Variants in TMEM132D observed in about 807,000 individuals in gnomAD.
The protein encoded by TMEM132D is mature OL transmembrane protein.
Under a neutral mutation model 62.3 loss-of-function variants are expected in TMEM132D, and 21 were observed. The ratio of observed to expected loss-of-function variants is 0.34; its 90% CI spans 0.24 to 0.49. The LOEUF (loss-of-function observed/expected upper bound fraction) is 0.49, where lower values mean the gene tolerates loss of function less well. TMEM132D is among the 20% of genes least tolerant of loss of function. TMEM132D has a pLI of 0.99. For synonymous variants in TMEM132D, 621 were observed against 575.6 expected (o/e 1.08, Z -1.13); for missense variants, 1,346 against 1,402.8 (o/e 0.96, Z 0.65).
intron 1 of TMEM132D, among the ~76,000 whole-genome samples, chr12:129,774,131 G>C (rs554083623): frequency 2.6e-5 from 4 of 152,314 alleles, no homozygotes; most frequent in South Asian, 2.1e-4. Flanking sequence ...GATGAGAATT[G>C]CAGGACAGGA....
intron 3 of TMEM132D, among the ~76,000 whole-genome samples, chr12:129,376,338 A>G (rs927147379): frequency 6.6e-6 from 1 of 152,204 alleles, no homozygotes; most frequent in African/African-American, 2.4e-5. Flanking sequence ...GGAAGCAAAC[A>G]CATCCTTTCT....
intron 2 of TMEM132D, among the ~76,000 whole-genome samples, chr12:129,673,472 G>T (rs1177620826): frequency 6.6e-6 from 1 of 152,050 alleles, no homozygotes; most frequent in African/African-American, 2.4e-5. Flanking sequence ...AATAACTGTT[G>T]TACATCAGCC....
intron 3 of TMEM132D, among the ~76,000 whole-genome samples, chr12:129,379,334 C>A (rs1237068203): frequency 1.3e-5 from 2 of 151,980 alleles, no homozygotes; most frequent in East Asian, 1.9e-4. Context: ...GAGACAGCAA[C>A]CACTAATGAA....
intron 1 of TMEM132D, among the ~76,000 whole-genome samples, chr12:129,823,019 C>T (rs929090098): frequency 6.6e-6 from 1 of 152,174 alleles, no homozygotes; most frequent in African/African-American, 2.4e-5. Context: ...TTAGTACCAT[C>T]CACTTAGAAC....
intron 1 of TMEM132D, among the ~76,000 whole-genome samples, chr12:129,826,879 TC>T (rs1340869795): frequency 6.6e-6 from 1 of 151,970 alleles, no homozygotes; most frequent in Non-Finnish European, 1.5e-5. Context: ...GGAAAAAAAA[TC>T]AAAACTCTGC....
chr12:129,153,852 C>T (rs931452451), intron 5 of TMEM132D, among the ~76,000 whole-genome samples: 5 of 152,060 alleles, frequency 3.3e-5, no homozygotes, highest in Admixed American at 1.3e-4. Flanking sequence ...GCTCTCATTT[C>T]GGCTGGGAAT....
At chr12:129,404,669 C>G (rs963043213) in intron 3 of TMEM132D, among the ~76,000 whole-genome samples, 6 of 152,002 alleles carry the variant, frequency 3.9e-5, no homozygotes, top group Non-Finnish European at 8.8e-5. Context: ...GGAGAGATGG[C>G]AGGGGGCAGG....
intron 1 of TMEM132D, among the ~76,000 whole-genome samples, chr12:129,701,963 T>C (rs969179868): frequency 6.6e-6 from 1 of 152,206 alleles, no homozygotes. Context: ...TGCTCCCGGC[T>C]TTGTGAGACG....
intron 2 of TMEM132D, among the ~76,000 whole-genome samples, chr12:129,650,508 C>A (rs1440462608): frequency 1.3e-5 from 2 of 152,186 alleles, no homozygotes; most frequent in Non-Finnish European, 2.9e-5. Context: ...GCAGCTGCAT[C>A]TTCAAATTTA....
At chr12:129,500,243 T>G (rs1875095358) in intron 3 of TMEM132D, among the ~76,000 whole-genome samples, 1 of 148,578 alleles carries the variant, frequency 6.7e-6, no homozygotes, top group Non-Finnish European at 1.5e-5. Context: ...TCACCTGACC[T>G]CATCTGTCCC....
chr12:129,671,133 A>G (rs1361255227), intron 2 of TMEM132D, among the ~76,000 whole-genome samples: 4 of 152,228 alleles, frequency 2.6e-5, no homozygotes, highest in African/African-American at 9.6e-5. Context: ...TATAAAAAAT[A>G]ATGTTTAATA....
intron 4 of TMEM132D, among the ~76,000 whole-genome samples, chr12:129,290,405 C>T (rs930161070): frequency 2.0e-5 from 3 of 152,114 alleles, no homozygotes; most frequent in African/African-American, 7.2e-5. Flanking sequence ...GCATAACCTA[C>T]ACTATTCTAA....
intron 5 of TMEM132D, among the ~76,000 whole-genome samples, chr12:129,207,787 A>G (rs889639949): frequency 6.6e-6 from 1 of 152,186 alleles, no homozygotes; most frequent in Non-Finnish European, 1.5e-5. Flanking sequence ...GTATTGATCC[A>G]TAATTAATGT....
chr12:129,391,468 G>T lies in TMEM132D; in HGVS notation c.1116-53651C>A, dbSNP rs76360277. 2.7e-3 allele frequency among the ~76,000 whole-genome samples: 414 copies of T among 152,232 alleles called. 3 individuals carry two copies. Among genetic ancestry groups the T allele is most frequent in the African/African-American group, 9.4e-3 (392 of 41,538 alleles). On this transcript the variant is annotated intron_variant, in intron 3 of 8. Coordinates refer to ENST00000422113, the MANE Select transcript of TMEM132D (RefSeq NM_133448.3). Reference sequence around the variant, plus strand: ...AAAGAAATGGCAATCTTCAGATTTAGGCCAGAGCAATGAGAGACAGAGAAC... The same window carrying T: ...AAAGAAATGGCAATCTTCAGATTTATGCCAGAGCAATGAGAGACAGAGAAC...
chr12:129,245,196 T>G (rs1461642606), intron 4 of TMEM132D, among the ~76,000 whole-genome samples: 1 of 152,194 alleles, frequency 6.6e-6, no homozygotes, highest in African/African-American at 2.4e-5. Context: ...CGTAAAAATT[T>G]GTGTTCCACC....
rs1395635125 is a variant in TMEM132D, at chr12:129,100,664, T to A, written c.1444-15962A>T. On this transcript the variant is annotated intron_variant, in intron 5 of 8. Coordinates refer to ENST00000422113, the MANE Select transcript of TMEM132D (RefSeq NM_133448.3). Reference sequence around the variant, plus strand: ...TTTTTTTCTGGAGTGAATGAAAGTATTGCCCATGTCTTACAGATGAGGCAG... The same window carrying A: ...TTTTTTTCTGGAGTGAATGAAAGTAATGCCCATGTCTTACAGATGAGGCAG... Among the ~76,000 whole-genome samples, 6 of 152,238 alleles carry A rather than the reference T, an allele frequency of 3.9e-5. No homozygotes were observed. In the East Asian group the frequency reaches 7.7e-4, roughly 20 times the overall value.
chr12:129,384,622 A>G (rs1871051902), intron 3 of TMEM132D, among the ~76,000 whole-genome samples: 1 of 152,064 alleles, frequency 6.6e-6, no homozygotes, highest in Admixed American at 6.6e-5. Flanking sequence ...CTTCTTCCCA[A>G]GCTAAGCCCC....
At chr12:129,373,441 G>A (rs1870679830) in intron 3 of TMEM132D, among the ~76,000 whole-genome samples, 2 of 151,922 alleles carry the variant, frequency 1.3e-5, no homozygotes, top group Admixed American at 6.6e-5. Context: ...GACCATCCTG[G>A]CTAACACAGT....
intron 3 of TMEM132D, among the ~76,000 whole-genome samples, chr12:129,410,455 G>A (rs1188375818): frequency 6.6e-6 from 1 of 152,316 alleles, no homozygotes; most frequent in African/African-American, 2.4e-5. Context: ...TGCCACCCGG[G>A]TTCAAGTGAT....
Sources: gnomAD v4.1 joint callset for allele counts (sites outside exome capture counted in the v4.1 genomes callset) on GRCh38, gnomAD v4.1.1 for gene constraint, MANE v1.5 for transcripts, NCBI Gene and HGNC (gene_info 2026-07-23, HGNC 2026-07-21) for gene names.